Variants in SMIM14 observed in about 807,000 individuals in gnomAD.
SMIM14 encodes the protein chromosome 4 open reading frame 34.
In SMIM14, 5 loss-of-function variants were observed where a neutral mutation model predicts 12.6. The observed-to-expected ratio is 0.40, with a 90% CI of 0.21 to 0.83. The LOEUF (loss-of-function observed/expected upper bound fraction) is 0.83. SMIM14 is among the 40% of genes least tolerant of loss of function. The pLI is 0.37. For missense variants in SMIM14, 86 were observed against 119.1 expected (o/e 0.72, Z 1.29); for synonymous variants, 30 against 40.1 (o/e 0.75, Z 0.95).
chr4:39,560,041 G>T (rs1354601879), intron 3 of SMIM14, among the ~76,000 whole-genome samples: 1 of 151,810 alleles, frequency 6.6e-6, no homozygotes, highest in Admixed American at 6.6e-5. Flanking sequence ...AGGATGGCTT[G>T]AGCCCAGGAG....
chr4:39,624,601 A>C (rs866475457), intron 1 of SMIM14, among the ~76,000 whole-genome samples: 4 of 152,156 alleles, frequency 2.6e-5, no homozygotes, highest in East Asian at 1.9e-4. Flanking sequence ...AGGCAGGCGG[A>C]TCACCTGAGG....
At chr4:39,605,310 T>A in intron 1 of SMIM14, 130 bp from the exon 2 acceptor site, 1 of 519,124 alleles carries the variant, frequency 1.9e-6, no homozygotes, top group Non-Finnish European at 3.3e-6. Context: ...TTTATTGACT[T>A]GTATCTATTA....
intron 1 of SMIM14, among the ~76,000 whole-genome samples, chr4:39,637,366 T>C (rs990900486): frequency 1.3e-5 from 2 of 152,058 alleles, no homozygotes; most frequent in African/African-American, 2.4e-5. Context: ...CCAACTACAG[T>C]AGTAAGAAAA....
At chr4:39,554,289 G>A (rs1429938684) in intron 4 of SMIM14, among the ~76,000 whole-genome samples, 5 of 151,932 alleles carry the variant, frequency 3.3e-5, no homozygotes, top group East Asian at 3.9e-4. Context: ...CCTGGCCAAC[G>A]TGGCGAAACC....
chr4:39,629,098 G>A (rs560588486), intron 1 of SMIM14, among the ~76,000 whole-genome samples: 8 of 151,752 alleles, frequency 5.3e-5, no homozygotes, highest in African/African-American at 1.9e-4. Context: ...TTCCAGGCCA[G>A]GCCTGTAATC....
intron 2 of SMIM14, among the ~76,000 whole-genome samples, chr4:39,590,477 T>C (rs1714012425): frequency 6.6e-6 from 1 of 151,164 alleles, no homozygotes; most frequent in African/African-American, 2.4e-5. Flanking sequence ...TCTATACATA[T>C]ACTAGTATTC....
At chr4:39,573,923 T>TA (rs763736675) in intron 2 of SMIM14, among the ~76,000 whole-genome samples, 3 of 152,160 alleles carry the variant, frequency 2.0e-5, no homozygotes, top group Admixed American at 6.6e-5. Context: ...AAAAGAAAGT[T>TA]AAAAAAGAAA....
intron 1 of SMIM14, among the ~76,000 whole-genome samples, chr4:39,614,281 A>T (rs887223328): frequency 2.0e-5 from 3 of 152,032 alleles, no homozygotes; most frequent in Middle Eastern, 3.4e-3. Context: ...ATAAGTTGAT[A>T]ATTATTGAAG....
At chr4:39,605,010 T>A (rs1253089024) in intron 2 of SMIM14, 61 bp downstream of exon 2, 30 of 1,029,964 alleles carry the variant, frequency 2.9e-5, no homozygotes, top group South Asian at 1.4e-5. Context: ...AGTATTTTCA[T>A]GAAAAGAGGA....
At chr4:39,606,729 C>T (rs1194527826) in intron 1 of SMIM14, among the ~76,000 whole-genome samples, 1 of 151,840 alleles carries the variant, frequency 6.6e-6, no homozygotes, top group Non-Finnish European at 1.5e-5. Flanking sequence ...TGAGCCCTAT[C>T]ACTGGCCCAG....
At chr4:39,579,663 T>G (rs1713393747) in intron 2 of SMIM14, among the ~76,000 whole-genome samples, 1 of 151,532 alleles carries the variant, frequency 6.6e-6, no homozygotes, top group South Asian at 2.1e-4. Flanking sequence ...GCCAACATGG[T>G]GCAACCCCAT....
At chr4:39,595,431 C>G (rs867308806) in intron 2 of SMIM14, among the ~76,000 whole-genome samples, 59 of 146,434 alleles carry the variant, frequency 4.0e-4, no homozygotes, top group African/African-American at 1.4e-3. Flanking sequence ...GGAGGGATAG[C>G]TTTAGGAGAT....
chr4:39,555,792 G>T (rs1424614276), intron 4 of SMIM14, among the ~76,000 whole-genome samples: 1 of 152,206 alleles, frequency 6.6e-6, no homozygotes, highest in African/African-American at 2.4e-5. Context: ...AGCTAGGACA[G>T]AAGGGGGTCA....
chr4:39,576,838 G>A (rs181531132), intron 2 of SMIM14, among the ~76,000 whole-genome samples: 1,641 of 148,998 alleles, frequency 0.011, 25 homozygotes, highest in African/African-American at 0.038. Context: ...CAGCCTCCCA[G>A]GGAGCTGGGA....
At chr4:39,587,757 A>G (rs184766847) in intron 2 of SMIM14, among the ~76,000 whole-genome samples, 4 of 152,198 alleles carry the variant, frequency 2.6e-5, no homozygotes, top group African/African-American at 7.2e-5. Context: ...GTCAAAGAAG[A>G]AAGGAGGAAG....
chr4:39,600,535 C>T (rs1714564999), intron 2 of SMIM14, among the ~76,000 whole-genome samples: 1 of 151,830 alleles, frequency 6.6e-6, no homozygotes, highest in African/African-American at 2.4e-5. Flanking sequence ...ACGAAAAATA[C>T]AAAAATTAGC....
intron 1 of SMIM14, among the ~76,000 whole-genome samples, chr4:39,621,901 C>G (rs1346676310): frequency 6.6e-6 from 1 of 150,400 alleles, no homozygotes; most frequent in Admixed American, 6.6e-5. Context: ...AGGCTAGTCT[C>G]GAACTCCCAG....
At chr4:39,611,766 G>C (rs912129196) in intron 1 of SMIM14, among the ~76,000 whole-genome samples, 1 of 152,078 alleles carries the variant, frequency 6.6e-6, no homozygotes, top group Non-Finnish European at 1.5e-5. Flanking sequence ...TAACAGCAAA[G>C]AAAAAAGTAA....
chr4:39,634,451 T>C (rs569807419), intron 1 of SMIM14, among the ~76,000 whole-genome samples: 173 of 152,238 alleles, frequency 1.1e-3, no homozygotes, highest in Non-Finnish European at 2.0e-3. Context: ...TTCAAGTTTC[T>C]GCCACTTACT....
Sources: gnomAD v4.1 joint callset for allele counts (sites outside exome capture counted in the v4.1 genomes callset) on GRCh38, gnomAD v4.1.1 for gene constraint, MANE v1.5 for transcripts, NCBI Gene and HGNC (gene_info 2026-07-23, HGNC 2026-07-21) for gene names.